Variants in BFSP2 observed in about 807,000 individuals in gnomAD.
The protein encoded by BFSP2 is beaded filament structural protein 2.
In BFSP2, 38 loss-of-function variants were observed where a neutral mutation model predicts 44.9. The ratio of observed to expected loss-of-function variants is 0.85; its 90% CI spans 0.65 to 1.11. The LOEUF (loss-of-function observed/expected upper bound fraction) is 1.11, where lower values mean the gene tolerates loss of function less well. Among genes scored for constraint, BFSP2 ranks in the 50% least tolerant of loss-of-function variants. BFSP2 has a pLI of 0.00. For synonymous variants in BFSP2, 197 were observed against 209.9 expected (o/e 0.94, Z 0.53); for missense variants, 525 against 533.0 (o/e 0.99, Z 0.15).
intron 5 of BFSP2, among the ~76,000 whole-genome samples, chr3:133,469,799 T>C (rs1480134530): frequency 6.6e-6 from 1 of 152,222 alleles, no homozygotes; most frequent in African/African-American, 2.4e-5. Context: ...AAGGGTGAGA[T>C]GGAAGACACA....
intron 6 of BFSP2, among the ~76,000 whole-genome samples, chr3:133,473,296 G>C (rs1304796852): frequency 6.6e-6 from 1 of 151,876 alleles, no homozygotes; most frequent in Admixed American, 6.6e-5. Context: ...AAGGACTCAA[G>C]CTCTTTTCAT....
chr3:133,466,677 C>CAAAAAAAAATAAAAAAAAA (rs2074112950), intron 4 of BFSP2, 151 bp from the exon 5 acceptor site: 1 of 182,404 alleles, frequency 5.5e-6, no homozygotes, highest in Non-Finnish European at 9.6e-6. Context: ...TTCATCTCAA[C>CAAAAAAAAATAAAAAAAAA]AAAAAAAAAA....
At chr3:133,461,361 T>A (rs77889436) in intron 4 of BFSP2, among the ~76,000 whole-genome samples, 1 of 152,200 alleles carries the variant, frequency 6.6e-6, no homozygotes, top group Non-Finnish European at 1.5e-5. Flanking sequence ...AATGTCGACA[T>A]GCTCTCCTGC....
intron 1 of BFSP2, among the ~76,000 whole-genome samples, chr3:133,429,909 C>A (rs1295815358): frequency 2.0e-5 from 3 of 151,236 alleles, no homozygotes; most frequent in Admixed American, 1.3e-4. Context: ...TCCCCACTAC[C>A]CCCACCCCAC....
intron 6 of BFSP2, 90 bp from the exon 7 acceptor site, chr3:133,474,879 T>C: frequency 6.6e-7 from 1 of 1,509,432 alleles, no homozygotes; most frequent in Non-Finnish European, 9.2e-7. Flanking sequence ...GATTCTTTCA[T>C]GAGATGGCCC....
At chr3:133,457,537 T>C (rs1032116922) in intron 4 of BFSP2, among the ~76,000 whole-genome samples, 4 of 152,206 alleles carry the variant, frequency 2.6e-5, no homozygotes, top group African/African-American at 9.6e-5. Context: ...ATTTTACCCA[T>C]ATACAAAGAA....
intron 1 of BFSP2, among the ~76,000 whole-genome samples, chr3:133,431,946 C>T (rs894269936): frequency 3.3e-5 from 5 of 152,068 alleles, no homozygotes; most frequent in African/African-American, 7.3e-5. Flanking sequence ...ATCTCATTGC[C>T]GCCCTTCTCC....
chr3:133,416,148 C>A (rs1293764369), intron 1 of BFSP2, among the ~76,000 whole-genome samples: 1 of 146,012 alleles, frequency 6.8e-6, no homozygotes, highest in African/African-American at 2.6e-5. Flanking sequence ...CTGCCCTCCC[C>A]CTTCACCACT....
At chr3:133,469,251 T>C (rs779374545) in intron 5 of BFSP2, among the ~76,000 whole-genome samples, 2 of 152,194 alleles carry the variant, frequency 1.3e-5, no homozygotes, top group Non-Finnish European at 2.9e-5. Context: ...GGAGCACAGA[T>C]TGGGACAAAA....
At chr3:133,414,673 TCCTCTACTCAC>T (rs2073493369) in intron 1 of BFSP2, among the ~76,000 whole-genome samples, 1 of 23,944 alleles carries the variant, frequency 4.2e-5, no homozygotes, top group Admixed American at 4.8e-4. Flanking sequence ...CTCTACTCAC[TCCTCTACTCAC>T]CCTGCCATCT....
intron 4 of BFSP2, among the ~76,000 whole-genome samples, chr3:133,464,192 A>G (rs746447750): frequency 6.6e-6 from 1 of 152,204 alleles, no homozygotes; most frequent in Non-Finnish European, 1.5e-5. Flanking sequence ...GACAAGGAGT[A>G]TACTTCAGAA....
At chr3:133,439,405 T>A (rs1214722832) in intron 1 of BFSP2, among the ~76,000 whole-genome samples, 1 of 152,202 alleles carries the variant, frequency 6.6e-6, no homozygotes, top group East Asian at 1.9e-4. Context: ...CTGAACTGGG[T>A]GCTAAGGAAG....
chr3:133,414,471 T>C (rs2073489354), intron 1 of BFSP2, among the ~76,000 whole-genome samples: 1 of 65,820 alleles, frequency 1.5e-5, no homozygotes, highest in African/African-American at 6.5e-5. Flanking sequence ...CCCTGCCCTC[T>C]CTCCTCTACT....
In BFSP2 at chr3:133,400,183, T is replaced by C. The variant is rs200208769; in HGVS notation, c.100T>C (p.Ser34Pro). Residue 34 changes from serine to proline, a missense_variant, in exon 1 of 7, where the codon TCC becomes CCC. Transcript: ENST00000302334. The surrounding 1 kb of genome is among the most constrained non-coding windows in gnomAD (Gnocchi z 4.0). ...GTCCTTCAGGGGGCCACGGTCATCA[T>C]CCTCCCTGGAGAGCCCCCCAGCCTC... is the stretch of plus-strand genomic sequence containing the variant. The part of the protein sequence containing the change: ...RASFRGPRSS[S>P]SLESPPASRT... 45 of 1,614,020 alleles carry C rather than the reference T, an allele frequency of 2.8e-5. No homozygotes were observed. The East Asian group carries it at 1.0e-3, about 36-fold the overall frequency.
At chr3:133,438,731 G>A (rs1245097460) in intron 1 of BFSP2, among the ~76,000 whole-genome samples, 1 of 152,034 alleles carries the variant, frequency 6.6e-6, no homozygotes, top group East Asian at 1.9e-4. Context: ...ATAGAGCAAG[G>A]ACTACTGAAA....
At chr3:133,440,881 G>T (rs1343259209) in intron 1 of BFSP2, among the ~76,000 whole-genome samples, 2 of 152,086 alleles carry the variant, frequency 1.3e-5, no homozygotes, top group Non-Finnish European at 2.9e-5. Context: ...GTGTATTGTG[G>T]CTTCCAGAGT....
intron 5 of BFSP2, among the ~76,000 whole-genome samples, chr3:133,469,339 G>A (rs1031388237): frequency 6.6e-6 from 1 of 152,254 alleles, no homozygotes; most frequent in African/African-American, 2.4e-5. Context: ...AGAGCGATCT[G>A]TGCACACACA....
chr3:133,449,649 C>T (rs143362312), intron 3 of BFSP2, among the ~76,000 whole-genome samples: 6 of 152,032 alleles, frequency 3.9e-5, no homozygotes, highest in African/African-American at 1.4e-4. Context: ...GAGGCCAAGG[C>T]AGGGGATCAC....
At chr3:133,429,754 CTTT>C (rs796180131) in intron 1 of BFSP2, 13 of 41,766 alleles carry the variant, frequency 3.1e-4, no homozygotes, top group Non-Finnish European at 4.8e-4. Flanking sequence ...AAAATGTAAA[CTTT>C]TTTTTTTTTT....
Sources: gnomAD v4.1 joint callset for allele counts (sites outside exome capture counted in the v4.1 genomes callset) on GRCh38, gnomAD v4.1.1 for gene constraint, Gnocchi (gnomAD v3.1) non-coding constraint, MANE v1.5 for transcripts, NCBI Gene and HGNC (gene_info 2026-07-23, HGNC 2026-07-21) for gene names.